CUL5: variants seen among roughly 807,000 people sequenced by gnomAD.
The protein encoded by CUL5 is cullin-5.
A neutral mutation model predicts 108.8 loss-of-function variants in CUL5; 26 were observed. The observed-to-expected ratio is 0.24, with a 90% CI of 0.18 to 0.33. The LOEUF is 0.33. Among genes scored for constraint, CUL5 ranks in the 10% least tolerant of loss-of-function variants. The pLI is 1.00. For missense variants in CUL5, 524 were observed against 909.2 expected (o/e 0.58, Z 5.45); for synonymous variants, 334 against 298.0 (o/e 1.12, Z -1.25).
chr11:108,053,531 C>T (rs1863290973), intron 5 of CUL5, among the ~76,000 whole-genome samples: 2 of 152,278 alleles, frequency 1.3e-5, no homozygotes, highest in African/African-American at 4.8e-5. Context: ...TGCCACCAGA[C>T]ATTAAACTTC....
chr11:108,066,740 G>A (rs898350114), intron 7 of CUL5, among the ~76,000 whole-genome samples: 5 of 152,186 alleles, frequency 3.3e-5, no homozygotes, highest in African/African-American at 1.2e-4. Context: ...ACACAGCACA[G>A]TCTTTATAGC....
chr11:108,093,121 T>G (rs1399687864), intron 13 of CUL5, among the ~76,000 whole-genome samples: 1 of 152,214 alleles, frequency 6.6e-6, no homozygotes, highest in African/African-American at 2.4e-5. Flanking sequence ...TTGTATACTT[T>G]AAAATAGTAG....
At chr11:108,063,927 T>C (rs1156228489) in intron 7 of CUL5, among the ~76,000 whole-genome samples, 1 of 152,238 alleles carries the variant, frequency 6.6e-6, no homozygotes, top group Non-Finnish European at 1.5e-5. Flanking sequence ...TAAAAGCTAC[T>C]TTAACTGGGA....
At chr11:108,079,503 A>G (rs1275795980) in intron 11 of CUL5, among the ~76,000 whole-genome samples, 1 of 152,192 alleles carries the variant, frequency 6.6e-6, no homozygotes, top group Non-Finnish European at 1.5e-5. Flanking sequence ...TCGTCAGTCA[A>G]CTTTTTAAGT....
rs561508010 is a variant in CUL5 at position 108,023,859 on chromosome 11, A to G, written c.25-9943A>G. Among the ~76,000 whole-genome samples, 12 of 152,342 alleles carry G rather than the reference A, an allele frequency of 7.9e-5. No homozygotes were observed. The East Asian group carries it at 1.9e-3, about 25-fold the overall frequency. ...ATAAAAGGAACCTAAAAGTTTAAAC[A>G]GAGTGTGGTATGAAATTTTTTATTT... is the stretch of plus-strand genomic sequence containing the variant. On this transcript the variant is annotated intron_variant, in intron 1 of 18. Coordinates refer to ENST00000393094, the MANE Select transcript of CUL5 (RefSeq NM_003478.6).
chr11:108,051,289 A>G (rs755412933), intron 4 of CUL5, among the ~76,000 whole-genome samples: 3 of 151,984 alleles, frequency 2.0e-5, no homozygotes, highest in Non-Finnish European at 4.4e-5. Context: ...TGGCCATTCT[A>G]TTGGTTGTGG....
chr11:108,096,113 A>G (rs1022088368), intron 16 of CUL5, among the ~76,000 whole-genome samples: 2 of 150,664 alleles, frequency 1.3e-5, no homozygotes, highest in African/African-American at 4.9e-5. Flanking sequence ...AAAAAAAATT[A>G]TGCACACACA....
chr11:108,098,050 T>G (rs1183233196), intron 17 of CUL5, among the ~76,000 whole-genome samples: 2 of 152,258 alleles, frequency 1.3e-5, no homozygotes, highest in Non-Finnish European at 2.9e-5. Context: ...TTTGTGTTGT[T>G]TTGTTTCGTT....
intron 1 of CUL5, among the ~76,000 whole-genome samples, chr11:108,019,695 A>G (rs2135049774): frequency 6.6e-6 from 1 of 152,314 alleles, no homozygotes; most frequent in East Asian, 1.9e-4. Flanking sequence ...TGTATACAGT[A>G]CATAATCCTT....
At chr11:108,076,907 G>A (rs1863954009) in intron 10 of CUL5, among the ~76,000 whole-genome samples, 1 of 152,170 alleles carries the variant, frequency 6.6e-6, no homozygotes, top group Non-Finnish European at 1.5e-5. Flanking sequence ...AATAGTTTTT[G>A]GAGAGATGGT....
chr11:108,065,961 T>C (rs1162785774), intron 7 of CUL5, among the ~76,000 whole-genome samples: 4 of 152,212 alleles, frequency 2.6e-5, no homozygotes, highest in African/African-American at 7.2e-5. Flanking sequence ...TTTATTCTTA[T>C]TCCTGACCAT....
intron 7 of CUL5, among the ~76,000 whole-genome samples, chr11:108,066,556 G>C (rs1175357207): frequency 6.6e-5 from 10 of 151,944 alleles, no homozygotes; most frequent in Admixed American, 6.6e-4. Flanking sequence ...AATCTTGCAA[G>C]GATTCTTTTA....
intron 2 of CUL5, among the ~76,000 whole-genome samples, chr11:108,044,760 TTTATTA>T (rs934427830): frequency 6.6e-6 from 1 of 151,554 alleles, no homozygotes; most frequent in Non-Finnish European, 1.5e-5. Context: ...TATATTTTAA[TTTATTA>T]TTATTATTTT....
At chr11:108,054,586 T>C in intron 5 of CUL5, 61 bp from the exon 6 acceptor site, 4 of 1,181,474 alleles carry the variant, frequency 3.4e-6, no homozygotes, top group Non-Finnish European at 4.8e-6. Context: ...ATTTCATTTA[T>C]TATACTCAAA....
chr11:108,030,328 C>G (rs1303578294), intron 1 of CUL5, among the ~76,000 whole-genome samples: 1 of 152,132 alleles, frequency 6.6e-6, no homozygotes, highest in Non-Finnish European at 1.5e-5. Context: ...TGGATATCTC[C>G]CATGGGTCCT....
intron 2 of CUL5, among the ~76,000 whole-genome samples, chr11:108,040,964 C>G (rs549887736): frequency 6.6e-6 from 1 of 152,274 alleles, no homozygotes; most frequent in East Asian, 1.9e-4. Context: ...TCCCTGTTAT[C>G]CTATGAGACT....
intron 2 of CUL5, among the ~76,000 whole-genome samples, chr11:108,036,110 C>A (rs889032546): frequency 6.6e-6 from 1 of 152,162 alleles, no homozygotes; most frequent in Non-Finnish European, 1.5e-5. Context: ...TCTAATTTCA[C>A]AAGAATTCAA....
chr11:108,078,379 A>G, intron 11 of CUL5, 139 bp downstream of exon 11: 1 of 447,190 alleles, frequency 2.2e-6, no homozygotes. Flanking sequence ...TTGGCTATTA[A>G]AGTTCATTTA....
intron 7 of CUL5, among the ~76,000 whole-genome samples, chr11:108,060,701 G>T (rs766205636): frequency 9.2e-5 from 14 of 152,062 alleles, no homozygotes; most frequent in Non-Finnish European, 1.8e-4. Context: ...CCCGGGCATG[G>T]TGGTGCGTGC....
Sources: gnomAD v4.1 joint callset for allele counts (sites outside exome capture counted in the v4.1 genomes callset) on GRCh38, gnomAD v4.1.1 for gene constraint, MANE v1.5 for transcripts, NCBI Gene and HGNC (gene_info 2026-07-23, HGNC 2026-07-21) for gene names.